Variants in SPAG16 observed in about 807,000 individuals in gnomAD.
SPAG16 encodes sperm-associated antigen 16 protein.
A neutral mutation model predicts 80.4 loss-of-function variants in SPAG16; 86 were observed. The observed-to-expected ratio is 1.07, with a 90% CI of 0.90 to 1.28. SPAG16 has a LOEUF of 1.28. Ranked by LOEUF, SPAG16 falls within the 50% of genes most tolerant of loss-of-function variation. The pLI, the probability that SPAG16 is intolerant of heterozygous loss-of-function variation, is 0.00. For synonymous variants in SPAG16, 294 were observed against 265.9 expected (o/e 1.11, Z -1.03); for missense variants, 870 against 765.3 (o/e 1.14, Z -1.61).
At chr2:213,426,836 T>TAC (rs199604984) in intron 9 of SPAG16, among the ~76,000 whole-genome samples, 8,759 of 125,668 alleles carry the variant, frequency 0.07, 399 homozygotes, top group Middle Eastern at 0.13. Flanking sequence ...TTCTGATACA[T>TAC]ACACACACAC....
chr2:213,714,325 A>G (rs2066136324), intron 10 of SPAG16, among the ~76,000 whole-genome samples: 1 of 152,216 alleles, frequency 6.6e-6, no homozygotes, highest in South Asian at 2.1e-4. Flanking sequence ...AGAAAGCTTT[A>G]AACACCTGTC....
rs574593212 is a variant in SPAG16, at chr2:213,415,979, T to C, written c.942+40860T>C. Among the ~76,000 whole-genome samples, 3 of 152,166 alleles carry C rather than the reference T, an allele frequency of 2.0e-5. No individual in the cohort carries two copies. The South Asian group carries it at 6.2e-4, about 32-fold the overall frequency. On this transcript the variant is annotated intron_variant, in intron 9 of 15. Coordinates refer to ENST00000331683, the MANE Select transcript of SPAG16 (RefSeq NM_024532.5). The stretch of plus-strand genomic sequence containing the variant: ...TCATAAAATAAGGATAATATAAACA[T>C]GTAATGAGAAAGATTGAACACAAAC...
At chr2:214,039,167 A>C (rs1403521817) in intron 13 of SPAG16, among the ~76,000 whole-genome samples, 1 of 152,170 alleles carries the variant, frequency 6.6e-6, no homozygotes, top group Non-Finnish European at 1.5e-5. Context: ...CAACAGTGTA[A>C]AAGTGTTCCT....
At chr2:213,610,013 A>G (rs1166947192) in intron 10 of SPAG16, among the ~76,000 whole-genome samples, 2 of 152,120 alleles carry the variant, frequency 1.3e-5, no homozygotes, top group African/African-American at 4.8e-5. Context: ...TGAGCCTCCT[A>G]CTAGATCCCG....
At chr2:213,742,573 A>G (rs1221306843) in intron 10 of SPAG16, among the ~76,000 whole-genome samples, 1 of 120,440 alleles carries the variant, frequency 8.3e-6, no homozygotes, top group African/African-American at 3.4e-5. Context: ...TTTTTTTGAG[A>G]CGAAGTTTCG....
At chr2:213,403,778 C>A (rs2068458879) in intron 9 of SPAG16, among the ~76,000 whole-genome samples, 1 of 152,176 alleles carries the variant, frequency 6.6e-6, no homozygotes, top group South Asian at 2.1e-4. Flanking sequence ...TCCCTGTTTG[C>A]AGATGACATG....
chr2:214,309,804 A>C (rs1248717396), intron 15 of SPAG16, among the ~76,000 whole-genome samples: 1 of 152,130 alleles, frequency 6.6e-6, no homozygotes, highest in Non-Finnish European at 1.5e-5. Flanking sequence ...GCTGCAGCAA[A>C]GTGCAAGTGG....
intron 10 of SPAG16, among the ~76,000 whole-genome samples, chr2:213,500,491 C>A (rs1279301638): frequency 6.6e-6 from 1 of 152,154 alleles, no homozygotes; most frequent in Non-Finnish European, 1.5e-5. Flanking sequence ...CCAGTTATTT[C>A]CCCTTGGTTT....
At chr2:214,178,964 C>G (rs944909783) in intron 15 of SPAG16, among the ~76,000 whole-genome samples, 1 of 151,138 alleles carries the variant, frequency 6.6e-6, no homozygotes, top group Non-Finnish European at 1.5e-5. Flanking sequence ...TTTCTTTTGA[C>G]GTATGAACAT....
intron 15 of SPAG16, among the ~76,000 whole-genome samples, chr2:214,291,253 TAGGTAA>T (rs1207768531): frequency 2.0e-5 from 3 of 150,858 alleles, no homozygotes; most frequent in African/African-American, 7.3e-5. Context: ...TATGTCTTTG[TAGGTAA>T]AGGGTGTTTC....
intron 9 of SPAG16, among the ~76,000 whole-genome samples, chr2:213,406,140 G>A (rs2068597272): frequency 6.6e-6 from 1 of 152,130 alleles, no homozygotes; most frequent in South Asian, 2.1e-4. Context: ...ATAGTTTCCT[G>A]TTTTCCAGAA....
intron 14 of SPAG16, among the ~76,000 whole-genome samples, chr2:214,139,563 TA>T (rs2055243177): frequency 6.6e-6 from 1 of 152,142 alleles, no homozygotes; most frequent in Admixed American, 6.6e-5. Context: ...ATATTTATTT[TA>T]AATTTCGCTT....
intron 11 of SPAG16, among the ~76,000 whole-genome samples, chr2:213,897,554 C>G (rs2077043579): frequency 6.6e-6 from 1 of 151,908 alleles, no homozygotes; most frequent in Non-Finnish European, 1.5e-5. Context: ...TATGCATTTC[C>G]TTATGGTTTC....
rs9753526 is a variant in SPAG16 at position 214,170,179 on chromosome 2, T to C, written c.1720+20913T>C. ...GCCTTTTGTGGGAGAGGGATACACATACACTTAGGTGTGTATACATATACA... is the reference window on the plus strand; with the variant it reads ...GCCTTTTGTGGGAGAGGGATACACACACACTTAGGTGTGTATACATATACA... On this transcript the variant is annotated intron_variant, in intron 15 of 15. Coordinates refer to ENST00000331683, the MANE Select transcript of SPAG16 (RefSeq NM_024532.5). Among the ~76,000 whole-genome samples the C allele has an allele frequency of 2.8e-3, 348 of 123,260 alleles. 5 individuals are homozygous for C. The highest frequency in any genetic ancestry group is 0.013 in the African/African-American group (325 of 25,416). 80.9% of individuals were successfully genotyped at this position (123,260 alleles called of 152,430 possible). A position where few individuals can be genotyped will look rare whatever the true frequency, so the allele number is the denominator to read the frequency against.
intron 10 of SPAG16, among the ~76,000 whole-genome samples, chr2:213,642,804 G>A (rs1414916183): frequency 1.8e-4 from 1 of 5,690 alleles, no homozygotes; most frequent in Non-Finnish European, 3.1e-4. Context: ...CTGGGCGACA[G>A]AGCGAGACTC....
intron 15 of SPAG16, among the ~76,000 whole-genome samples, chr2:214,214,033 C>A (rs996692916): frequency 9.2e-5 from 14 of 152,068 alleles, no homozygotes; most frequent in African/African-American, 7.2e-5. Flanking sequence ...TCTTCTCAAA[C>A]CTACATTCCC....
chr2:214,165,789 C>T (rs2056631475), intron 15 of SPAG16, among the ~76,000 whole-genome samples: 1 of 151,958 alleles, frequency 6.6e-6, no homozygotes, highest in Admixed American at 6.6e-5. Flanking sequence ...GATTAGCATA[C>T]TGCTCCACTA....
intron 10 of SPAG16, among the ~76,000 whole-genome samples, chr2:213,583,609 TG>T (rs974354394): frequency 2.0e-5 from 3 of 152,158 alleles, no homozygotes; most frequent in East Asian, 1.9e-4. Context: ...TATTGACATT[TG>T]GGGGGGTGGT....
chr2:213,585,401 T>C lies in SPAG16; in HGVS notation c.1070+95311T>C, dbSNP rs112285866. 1.6e-3 allele frequency among the ~76,000 whole-genome samples: 239 copies of C among 151,618 alleles called. 3 individuals carry two copies. Among genetic ancestry groups the C allele is most frequent in the African/African-American group, 4.7e-3 (194 of 41,386 alleles). On this transcript the variant is annotated intron_variant, in intron 10 of 15. Coordinates refer to ENST00000331683, the MANE Select transcript of SPAG16 (RefSeq NM_024532.5). ...AAGCAATTCTTGTGCCTCAGCCTCC[T>C]GAGTATCTGGGACTACAGGTACGTG...
Sources: gnomAD v4.1 joint callset for allele counts (sites outside exome capture counted in the v4.1 genomes callset) on GRCh38, gnomAD v4.1.1 for gene constraint, MANE v1.5 for transcripts, NCBI Gene and HGNC (gene_info 2026-07-23, HGNC 2026-07-21) for gene names.